RET: variants seen among roughly 807,000 people sequenced by gnomAD.
RET encodes the protein ret proto-oncogene.
In RET, 19 loss-of-function variants were observed where a neutral mutation model predicts 118.3. That is an observed-to-expected ratio of 0.16 (90% CI 0.11 to 0.24). RET has a LOEUF of 0.24. RET is among the 10% of genes least tolerant of loss of function. The pLI, the probability that RET is intolerant of heterozygous loss-of-function variation, is 1.00. For synonymous variants in RET, 597 were observed against 644.1 expected (o/e 0.93, Z 1.11); for missense variants, 1,219 against 1,502.1 (o/e 0.81, Z 3.12).
chr10:43,119,337 T>C lies in RET; in HGVS notation c.2393-194T>C, dbSNP rs1207542884. On this transcript the variant is annotated intron_variant, in intron 13 of 19. Coordinates refer to ENST00000355710, the MANE Select transcript of RET (RefSeq NM_020975.6). ...GCAGCAGGAGGCAGAGAGCAAGTGGTTCAAGAGAAAGCTGAGGCTTCAAGG... is the reference window on the plus strand; with the variant it reads ...GCAGCAGGAGGCAGAGAGCAAGTGGCTCAAGAGAAAGCTGAGGCTTCAAGG... Among the ~76,000 whole-genome samples the C allele has an allele frequency of 2.6e-5, 4 of 152,172 alleles. No homozygotes were observed. In the East Asian group the frequency reaches 7.7e-4, roughly 29 times the overall value.
Position 43,116,646 on chromosome 10 carries a change from C to T in RET, c.2199C>T (p.Gly733=), listed in dbSNP as rs587780809. 2.9e-5 allele frequency: 47 copies of T among 1,614,068 alleles called. 1 individual carries two copies. The South Asian group carries it at 3.6e-4, about 12-fold the overall frequency. ...NLVLGKTLGE[G]EFGKVVKATA... is the part of the protein sequence containing the mutation. ...TTCTTGGAAAAACTCTAGGAGAAGG[C>T]GAATTTGGAAAAGTGGTCAAGGCAA... Residue 733 remains glycine (G), a synonymous_variant, in exon 12 of 20, where the codon GGC becomes GGT. Coordinates refer to ENST00000355710, the MANE Select transcript of RET (RefSeq NM_020975.6).
rs876658331 is a variant in RET at position 43,106,489 on chromosome 10, G to C, written c.981G>C (p.Gln327His). ...TLLPGDTWAQ[Q>H]TFRVEHWPNE... ...TCCCCGGGGACACCTGGGCCCAGCA[G>C]ACCTTCCGGGTGGAACACTGGCCCA... The change falls in exon 5 of 20, where the codon CAG (glutamine) becomes CAC (histidine). Residue 327 changes from glutamine (Q) to histidine (H), a missense_variant. Transcript: ENST00000355710. This position sits in a 1 kb window ranked among gnomAD's most constrained non-coding sequence, Gnocchi z 5.1. 2.5e-6 allele frequency: 4 copies of C among 1,613,768 alleles called. No individual in the cohort carries two copies. The highest frequency in any genetic ancestry group is 3.4e-6 in the Non-Finnish European group (4 of 1,179,860).
intron 15 of RET, among the ~76,000 whole-genome samples, chr10:43,120,844 C>G (rs1192992801): frequency 6.6e-6 from 1 of 152,194 alleles, no homozygotes; most frequent in African/African-American, 2.4e-5. Flanking sequence ...TCTCCTGCAG[C>G]CTCCCAGTGG....
intron 15 of RET, among the ~76,000 whole-genome samples, chr10:43,121,613 G>C (rs1838218979): frequency 6.6e-6 from 1 of 152,204 alleles, no homozygotes; most frequent in East Asian, 1.9e-4. Context: ...TTGGCCCTCA[G>C]AACCCCAGGG....
At chr10:43,099,560 A>AT (rs58599442) in intron 1 of RET, among the ~76,000 whole-genome samples, 2 of 151,742 alleles carry the variant, frequency 1.3e-5, no homozygotes, top group South Asian at 2.1e-4. Context: ...AAATAAATAA[A>AT]AATTACATAG....
chr10:43,078,198 CT>C (rs1837094535), intron 1 of RET, among the ~76,000 whole-genome samples: 1 of 152,248 alleles, frequency 6.6e-6, no homozygotes, highest in African/African-American at 2.4e-5. Context: ...TCTTTGACCC[CT>C]TGGCACGCGT....
In RET at chr10:43,114,579, A is replaced by T. The variant is rs1838023665; in HGVS notation, c.1979A>T (p.Tyr660Phe). ...CTGTCTGCCTTCTGCATCCACTGCT[A>T]CCACAAGTTTGCCCACAAGCCACCC... ...VLLSAFCIHC[Y>F]HKFAHKPPIS... Residue 660 changes from tyrosine to phenylalanine, a missense_variant, in exon 11 of 20, where the codon TAC becomes TTC. Transcript: ENST00000355710. This position sits in a 1 kb window ranked among gnomAD's most constrained non-coding sequence, Gnocchi z 4.6. 1 of 1,612,158 alleles carries T rather than the reference A, an allele frequency of 6.2e-7. No individual in the cohort carries two copies. Among genetic ancestry groups the T allele is most frequent in the Non-Finnish European group, 8.5e-7 (1 of 1,179,884 alleles).
intron 5 of RET, 118 bp from the exon 6 acceptor site, chr10:43,108,913 G>A (rs1837845418): frequency 1.0e-6 from 1 of 967,194 alleles, no homozygotes; most frequent in Non-Finnish European, 1.6e-6. Context: ...GGCACTGTAT[G>A]TGTGAAAGTG....
Position 43,124,631 on chromosome 10 carries a change from G to A in RET, c.2940-252G>A, listed in dbSNP as rs11238443. ...AAAATGAATCTCCCTTGGAGGGAAGGGAAGCTTGTAGGATTCTGGACCACA... is the reference window on the plus strand; with the variant it reads ...AAAATGAATCTCCCTTGGAGGGAAGAGAAGCTTGTAGGATTCTGGACCACA... On this transcript the variant is annotated intron_variant, in intron 17 of 19. Coordinates refer to ENST00000355710, the MANE Select transcript of RET (RefSeq NM_020975.6). 0.03 allele frequency among the ~76,000 whole-genome samples: 4,508 copies of A among 152,302 alleles called. 167 individuals carry two copies. Among genetic ancestry groups the A allele is most frequent in the East Asian group, 0.096 (495 of 5,178 alleles).
At position 43,114,790 on chromosome 10, in the gene RET, A is replaced by G. The variant is rs1463607927; in HGVS notation, c.2136+54A>G. The G allele has an allele frequency of 1.3e-6, 2 of 1,545,062 alleles. No homozygotes were observed. Among genetic ancestry groups the G allele is most frequent in the Non-Finnish European group, 1.7e-6 (2 of 1,148,392 alleles). ...CCCCTGCCCTCCCCAGCTGCCTTCCAGGGAGGGAGGCCAGCTGGGGAGACA... is the reference window on the plus strand; with the variant it reads ...CCCCTGCCCTCCCCAGCTGCCTTCCGGGGAGGGAGGCCAGCTGGGGAGACA... On this transcript the variant is annotated intron_variant, in intron 11 of 19. Coordinates refer to ENST00000355710, the MANE Select transcript of RET (RefSeq NM_020975.6). The surrounding 1 kb of genome is among the most constrained non-coding windows in gnomAD (Gnocchi z 4.6).
intron 15 of RET, among the ~76,000 whole-genome samples, chr10:43,121,084 C>A (rs897606025): frequency 2.4e-4 from 36 of 152,172 alleles, no homozygotes; most frequent in African/African-American, 8.4e-4. Flanking sequence ...CTCAGAACTG[C>A]TGTGGGGGGA....
In RET at chr10:43,118,459, T is replaced by A. The variant is rs377767417; in HGVS notation, c.2371T>A (p.Tyr791Asn). 4.7e-5 allele frequency: 76 copies of A among 1,613,786 alleles called. No individual in the cohort carries two copies. The highest frequency in any genetic ancestry group is 6.7e-5 in the Admixed American group (4 of 60,010). ...CAACCACCCACATGTCATCAAATTG[T>A]ATGGGGCCTGCAGCCAGGATGGTAA... ...QVNHPHVIKLYGACSQDGPLL... is the reference protein window; with the variant it reads ...QVNHPHVIKLNGACSQDGPLL... The change falls in exon 13 of 20, where the codon TAT (tyrosine) becomes AAT (asparagine). Residue 791 changes from tyrosine to asparagine, a missense_variant. Tyr to Asn is a moderately radical substitution (Grantham distance 143, BLOSUM62 -2). This residue lies in a region of RET where 850 missense variants were observed against 969.6 expected (regional missense o/e 0.88). Transcript: ENST00000355710.
At chr10:43,112,252 C>G in intron 8 of RET, 28 bp downstream of exon 8, 2 of 1,550,760 alleles carry the variant, frequency 1.3e-6, no homozygotes, top group South Asian at 2.4e-5. Context: ...CCAAGGGAGG[C>G]CTGCAGGGGC....
intron 1 of RET, among the ~76,000 whole-genome samples, chr10:43,089,761 G>A (rs1309635363): frequency 6.6e-6 from 1 of 152,226 alleles, no homozygotes; most frequent in Admixed American, 6.5e-5. Context: ...GCCCTCCTCT[G>A]GCTCATAGGC....
intron 2 of RET, among the ~76,000 whole-genome samples, chr10:43,102,055 G>C (rs1437148195): frequency 2.0e-5 from 3 of 152,246 alleles, no homozygotes; most frequent in Non-Finnish European, 4.4e-5. Flanking sequence ...GCCACCATCA[G>C]AGTTGGGGAG....
Position 43,115,561 on chromosome 10 carries a change from T to C in RET, c.2136+825T>C, listed in dbSNP as rs139615279. 1.3e-3 allele frequency among the ~76,000 whole-genome samples: 196 copies of C among 152,324 alleles called. 1 individual carries two copies. The highest frequency in any genetic ancestry group is 4.5e-3 in the African/African-American group (189 of 41,582). ...CTGGCCTGGCTGCAGCTTAGCCTCATGGCAGGGCTCTAGGATGAGCCACCA... is the reference window on the plus strand; with the variant it reads ...CTGGCCTGGCTGCAGCTTAGCCTCACGGCAGGGCTCTAGGATGAGCCACCA... On this transcript the variant is annotated intron_variant, in intron 11 of 19. Transcript: ENST00000355710.
chr10:43,109,729 C>T (rs904216867), intron 6 of RET, among the ~76,000 whole-genome samples: 3 of 152,102 alleles, frequency 2.0e-5, no homozygotes, highest in Admixed American at 6.5e-5. Flanking sequence ...TGCTAGAAAG[C>T]GTATATTTAT....
chr10:43,127,591 C>A, intron 19 of RET: 12 of 512,050 alleles, frequency 2.3e-5, no homozygotes, highest in Non-Finnish European at 3.1e-5. Context: ...CTTTTGCATG[C>A]CTCCTGACTC....
chr10:43,118,619 C>T (rs1436750240), intron 13 of RET, 139 bp downstream of exon 13: 2 of 747,164 alleles, frequency 2.7e-6, no homozygotes, highest in African/African-American at 3.5e-5. Flanking sequence ...AAGCCTGGCT[C>T]AGGCCCCAGC....
Sources: allele counts gnomAD v4.1 joint callset (sites outside exome capture counted in the v4.1 genomes callset), GRCh38; gene constraint gnomAD v4.1.1; regional missense constraint gnomAD v4.1.1; non-coding constraint Gnocchi (gnomAD v3.1); transcripts MANE v1.5; gene names NCBI Gene and HGNC (gene_info 2026-07-23, HGNC 2026-07-21).